SGCZ: variants seen among roughly 807,000 people sequenced by gnomAD.
The protein encoded by SGCZ is zeta-sarcoglycan.
A neutral mutation model predicts 41.3 loss-of-function variants in SGCZ; 40 were observed. That is an observed-to-expected ratio of 0.97 (90% CI 0.75 to 1.26). SGCZ has a LOEUF of 1.26. SGCZ is among the 50% of genes most tolerant of loss of function. The pLI is 0.00. For synonymous variants in SGCZ, 206 were observed against 137.5 expected (o/e 1.50, Z -3.49); for missense variants, 552 against 369.8 (o/e 1.49, Z -4.04).
At chr8:14,381,955 G>C (rs558125179) in intron 2 of SGCZ, among the ~76,000 whole-genome samples, 14 of 152,250 alleles carry the variant, frequency 9.2e-5, no homozygotes, top group African/African-American at 3.1e-4. Flanking sequence ...CTCAGCTTAT[G>C]AGGAGATTAG....
At chr8:15,157,191 T>C (rs73527052) in intron 1 of SGCZ, among the ~76,000 whole-genome samples, 1 of 152,064 alleles carries the variant, frequency 6.6e-6, no homozygotes, top group African/African-American at 2.4e-5. Context: ...CATTTTATAC[T>C]TACCCATAAA....
intron 2 of SGCZ, among the ~76,000 whole-genome samples, chr8:14,392,698 C>G (rs1048321381): frequency 6.6e-6 from 1 of 152,050 alleles, no homozygotes; most frequent in South Asian, 2.1e-4. Flanking sequence ...AAAAACAGAA[C>G]AATTATTTTT....
chr8:15,038,626 G>C (rs1207128378), intron 1 of SGCZ, among the ~76,000 whole-genome samples: 2 of 151,788 alleles, frequency 1.3e-5, no homozygotes, highest in African/African-American at 4.8e-5. Flanking sequence ...TCAAATTACA[G>C]AGCTTCTGCA....
chr8:14,740,018 G>C (rs1038116285), intron 1 of SGCZ, among the ~76,000 whole-genome samples: 1 of 151,946 alleles, frequency 6.6e-6, no homozygotes, highest in South Asian at 2.1e-4. Flanking sequence ...TTATTACAAA[G>C]TCAACACTTT....
chr8:14,289,689 G>A (rs1800773761), intron 3 of SGCZ, among the ~76,000 whole-genome samples: 1 of 151,898 alleles, frequency 6.6e-6, no homozygotes, highest in Non-Finnish European at 1.5e-5. Context: ...ATTGGCAAAG[G>A]CATCAACTGC....
intron 1 of SGCZ, among the ~76,000 whole-genome samples, chr8:15,139,997 G>A (rs1411961575): frequency 6.6e-6 from 1 of 151,856 alleles, no homozygotes; most frequent in African/African-American, 2.4e-5. Context: ...GGTGGGGGTT[G>A]GGGGGACGGA....
intron 7 of SGCZ, among the ~76,000 whole-genome samples, chr8:14,101,103 T>C (rs186919141): frequency 2.7e-4 from 41 of 152,138 alleles, no homozygotes; most frequent in Non-Finnish European, 5.0e-4. Flanking sequence ...CATGAAAGCA[T>C]CTGCCAAGAT....
At chr8:14,651,719 T>G (rs118026587) in intron 1 of SGCZ, among the ~76,000 whole-genome samples, 8,419 of 152,118 alleles carry the variant, frequency 0.055, 300 homozygotes, top group Middle Eastern at 0.11. Flanking sequence ...GTCTTTAGCC[T>G]CTCATCTTGC....
At position 15,196,494 on chromosome 8, in the gene SGCZ, T is replaced by C. The variant is rs1800735590; in HGVS notation, c.39+41091A>G. 2.6e-5 allele frequency among the ~76,000 whole-genome samples: 4 copies of C among 152,176 alleles called. No homozygotes were observed. The South Asian group carries it at 8.3e-4, about 31-fold the overall frequency. ...AAAAGAATATGATAACATAGCATCA[T>C]TTATTATACTCCATTAGGTTAAAAC... On this transcript the variant is annotated intron_variant, in intron 1 of 7. Coordinates refer to ENST00000382080, the MANE Select transcript of SGCZ (RefSeq NM_139167.4).
chr8:14,671,622 A>G (rs984988130), intron 1 of SGCZ, among the ~76,000 whole-genome samples: 4 of 152,156 alleles, frequency 2.6e-5, no homozygotes, highest in Non-Finnish European at 4.4e-5. Context: ...ATGATTAAGA[A>G]AGTAGAAAAG....
intron 1 of SGCZ, among the ~76,000 whole-genome samples, chr8:14,744,741 G>C (rs1799294169): frequency 6.6e-6 from 1 of 152,110 alleles, no homozygotes; most frequent in Admixed American, 6.6e-5. Flanking sequence ...TGTTCAATGA[G>C]AGATTATTGC....
intron 2 of SGCZ, among the ~76,000 whole-genome samples, chr8:14,347,293 C>G (rs1802921961): frequency 6.6e-6 from 1 of 152,100 alleles, no homozygotes; most frequent in African/African-American, 2.4e-5. Context: ...AGTGCAATGT[C>G]TGGAGCTTTT....
At chr8:15,196,885 A>G (rs1166953599) in intron 1 of SGCZ, among the ~76,000 whole-genome samples, 2 of 152,188 alleles carry the variant, frequency 1.3e-5, no homozygotes, top group Non-Finnish European at 2.9e-5. Context: ...CCCAGGCCCC[A>G]CGGTTGTTGC....
chr8:14,093,214 C>A (rs1483168711), intron 7 of SGCZ, among the ~76,000 whole-genome samples: 1 of 152,064 alleles, frequency 6.6e-6, no homozygotes, highest in Non-Finnish European at 1.5e-5. Context: ...CATCTAAATT[C>A]CATTTGTTTT....
intron 1 of SGCZ, among the ~76,000 whole-genome samples, chr8:14,923,559 G>T (rs1415102901): frequency 2.0e-5 from 3 of 152,026 alleles, no homozygotes; most frequent in African/African-American, 7.2e-5. Context: ...GTCCCTATCT[G>T]TTCAATTAAT....
chr8:14,485,906 A>G (rs1173040499), intron 2 of SGCZ, among the ~76,000 whole-genome samples: 1 of 133,018 alleles, frequency 7.5e-6, no homozygotes, highest in Non-Finnish European at 1.5e-5. Context: ...CAGTGGCGCA[A>G]TCTCGGCTCA....
chr8:14,935,164 G>A (rs1348998194), intron 1 of SGCZ, among the ~76,000 whole-genome samples: 1 of 151,570 alleles, frequency 6.6e-6, no homozygotes, highest in African/African-American at 2.4e-5. Context: ...TTAAAAAGTA[G>A]ATGTTAATGT....
At chr8:14,106,671 C>G (rs1028143006) in intron 6 of SGCZ, among the ~76,000 whole-genome samples, 2 of 152,142 alleles carry the variant, frequency 1.3e-5, no homozygotes, top group Admixed American at 6.6e-5. Flanking sequence ...AAGGGCTAAA[C>G]AGCAATCCTT....
intron 1 of SGCZ, among the ~76,000 whole-genome samples, chr8:14,660,134 G>A (rs1464636795): frequency 1.3e-5 from 2 of 152,100 alleles, no homozygotes; most frequent in South Asian, 2.1e-4. Flanking sequence ...CAAGGAAAAC[G>A]AAACATGCAG....
Sources: allele counts gnomAD v4.1 joint callset (sites outside exome capture counted in the v4.1 genomes callset), GRCh38; gene constraint gnomAD v4.1.1; transcripts MANE v1.5; gene names NCBI Gene and HGNC (gene_info 2026-07-23, HGNC 2026-07-21).